The following DMD variants were observed in gnomAD, a reference collection of about 807,000 sequenced individuals.
DMD encodes dystrophin.
In DMD, 63 loss-of-function variants were observed where a neutral mutation model predicts 330.1. That is an observed-to-expected ratio of 0.19 (90% CI 0.16 to 0.24). DMD has a LOEUF of 0.24. Ranked by LOEUF, DMD falls within the 10% of genes least tolerant of loss-of-function variation. The probability of loss-of-function intolerance (pLI) is 1.00; values close to 1 mark genes in which losing one functional copy is unlikely to be tolerated. For missense variants in DMD, 3,344 were observed against 2,684.1 expected (o/e 1.25, Z -5.43); for synonymous variants, 1,223 against 959.8 (o/e 1.27, Z -5.07).
chrX:31,227,023 T>A (rs748688729), intron 63 of DMD, among the ~76,000 whole-genome samples: 1 of 111,764 alleles, frequency 8.9e-6, no homozygotes, highest in South Asian at 3.8e-4. Flanking sequence ...GATATTGGCA[T>A]AAAGTTTCTC....
intron 1 of DMD, among the ~76,000 whole-genome samples, chrX:33,042,177 A>T (rs908188371): frequency 8.0e-5 from 9 of 112,009 alleles, no homozygotes; most frequent in African/African-American, 2.9e-4. Context: ...CTGCTATATG[A>T]CTAAACACTG....
intron 43 of DMD, among the ~76,000 whole-genome samples, chrX:32,241,283 G>C (rs1199283123): frequency 8.9e-6 from 1 of 112,056 alleles, no homozygotes; most frequent in African/African-American, 3.2e-5. Context: ...CCCCTTTAAG[G>C]TTTAAAGTTC....
At chrX:31,471,280 T>C (rs2067278853) in intron 59 of DMD, among the ~76,000 whole-genome samples, 1 of 111,916 alleles carries the variant, frequency 8.9e-6, no homozygotes, top group Non-Finnish European at 1.9e-5. Flanking sequence ...CCTGGTGGCG[T>C]AGGCACCCGA....
chrX:31,865,518 A>G (rs1010738195), intron 48 of DMD, among the ~76,000 whole-genome samples: 2 of 112,168 alleles, frequency 1.8e-5, no homozygotes, highest in East Asian at 2.8e-4. Context: ...ACATCTATCT[A>G]AGGGAGTTAC....
In DMD at chrX:32,155,973, A is replaced by AACACACACAC. The variant is rs60347530; in HGVS notation, c.6438+60933_6438+60942dup. On this transcript the variant is annotated intron_variant, in intron 44 of 78. Transcript: ENST00000357033. ...GTGTGTGTGTATCCTTTTGTCATTC[A>AACACACACAC]ACACACACACACACACACACACACA... Among the ~76,000 whole-genome samples the AACACACACAC allele has an allele frequency of 2.7e-3, 258 of 95,754 alleles. 1 individual carries two copies. The highest frequency in any genetic ancestry group is 0.018 in the South Asian group (31 of 1,726). 83.2% of individuals were successfully genotyped at this position (95,754 alleles called of 115,157 possible). A position where few individuals can be genotyped will look rare whatever the true frequency, so the allele number is the denominator to read the frequency against.
chrX:32,205,460 C>A (rs1452141805), intron 44 of DMD, among the ~76,000 whole-genome samples: 1 of 109,704 alleles, frequency 9.1e-6, no homozygotes, highest in Non-Finnish European at 1.9e-5. Context: ...GCTAGTTACT[C>A]TTTGGGTTGC....
intron 44 of DMD, among the ~76,000 whole-genome samples, chrX:32,181,804 CAATTT>C (rs2096927966): frequency 9.0e-6 from 1 of 111,086 alleles, no homozygotes; most frequent in South Asian, 3.8e-4. Context: ...ATTTCCAGAC[CAATTT>C]CAAAAGAATG....
At chrX:32,190,765 C>T (rs1405017387) in intron 44 of DMD, among the ~76,000 whole-genome samples, 1 of 108,403 alleles carries the variant, frequency 9.2e-6, no homozygotes, top group African/African-American at 3.4e-5. Context: ...TGTTTTACAT[C>T]CGTGTTAAAG....
At chrX:31,518,866 G>C (rs2072494418) in intron 55 of DMD, among the ~76,000 whole-genome samples, 1 of 111,181 alleles carries the variant, frequency 9.0e-6, no homozygotes. Flanking sequence ...CCTGAAACTA[G>C]GTTATTTTTA....
At chrX:33,125,156 T>C (rs1314660492) in intron 1 of DMD, among the ~76,000 whole-genome samples, 1 of 109,633 alleles carries the variant, frequency 9.1e-6, no homozygotes. Flanking sequence ...AACTGGCAAG[T>C]GAGCCAGGCT....
intron 43 of DMD, among the ~76,000 whole-genome samples, chrX:32,270,898 T>C (rs753725986): frequency 2.4e-4 from 27 of 111,863 alleles, no homozygotes; most frequent in African/African-American, 8.8e-4. Context: ...ATTATTGTGG[T>C]TGTAGCTGAC....
chrX:33,294,942 C>A (rs1206550242), intron 1 of DMD, among the ~76,000 whole-genome samples: 1 of 110,612 alleles, frequency 9.0e-6, no homozygotes, highest in East Asian at 2.9e-4. Flanking sequence ...ACATACAAAA[C>A]ATCGAGAATT....
chrX:31,491,468 A>T (rs754202169), intron 57 of DMD, among the ~76,000 whole-genome samples: 1 of 112,701 alleles, frequency 8.9e-6, no homozygotes, highest in African/African-American at 3.2e-5. Flanking sequence ...TGAGGCAAGT[A>T]ATGAGGAACT....
chrX:31,712,437 A>G (rs892238873), intron 52 of DMD, among the ~76,000 whole-genome samples: 3 of 112,027 alleles, frequency 2.7e-5, no homozygotes, highest in Non-Finnish European at 5.6e-5. Context: ...CTTAAGAGGT[A>G]ACATTCCAAC....
intron 55 of DMD, among the ~76,000 whole-genome samples, chrX:31,621,177 C>A (rs1293491084): frequency 9.0e-6 from 1 of 111,688 alleles, no homozygotes; most frequent in Non-Finnish European, 1.9e-5. Flanking sequence ...GTCAATCATG[C>A]CAAGTGGTAA....
At chrX:32,655,381 T>G (rs1422669232) in intron 9 of DMD, among the ~76,000 whole-genome samples, 1 of 112,450 alleles carries the variant, frequency 8.9e-6, no homozygotes, top group Non-Finnish European at 1.9e-5. Context: ...ATTTCTGCCT[T>G]CATTTCGTTA....
chrX:31,980,269 A>T (rs1156353440), intron 44 of DMD, among the ~76,000 whole-genome samples: 2 of 112,019 alleles, frequency 1.8e-5, no homozygotes, highest in Admixed American at 9.5e-5. Context: ...TATTCATAAC[A>T]GCCAAAAACT....
At chrX:32,581,118 G>A (rs926166659) in intron 13 of DMD, among the ~76,000 whole-genome samples, 3 of 112,377 alleles carry the variant, frequency 2.7e-5, no homozygotes, top group East Asian at 2.8e-4. Context: ...GAGCCACTGA[G>A]CACGGGCTCC....
intron 13 of DMD, among the ~76,000 whole-genome samples, chrX:32,586,474 G>T (rs1000917936): frequency 7.4e-5 from 8 of 108,186 alleles, no homozygotes; most frequent in Non-Finnish European, 1.5e-4. Flanking sequence ...ATATATATTT[G>T]TACTTGTAAA....
Sources: allele counts gnomAD v4.1 joint callset (sites outside exome capture counted in the v4.1 genomes callset), GRCh38; gene constraint gnomAD v4.1.1; transcripts MANE v1.5; gene names NCBI Gene and HGNC (gene_info 2026-07-23, HGNC 2026-07-21).